The following CHST3 variants were observed in gnomAD, a reference collection of about 807,000 sequenced individuals.
The protein encoded by CHST3 is C6ST-1.
Under a neutral mutation model 35.4 loss-of-function variants are expected in CHST3, and 20 were observed. That is an observed-to-expected ratio of 0.57 (90% CI 0.40 to 0.82). The LOEUF is 0.82. Among genes scored for constraint, CHST3 ranks in the 40% least tolerant of loss-of-function variants. The pLI is 0.00. For missense variants in CHST3, 693 were observed against 670.1 expected (o/e 1.03, Z -0.38); for synonymous variants, 334 against 295.9 (o/e 1.13, Z -1.32).
rs1019786036 is a variant in CHST3, at chr10:72,007,308, C to G, written c.277C>G (p.Arg93Gly). The change falls in exon 3 of 3, where the codon CGT becomes GGT. Residue 93 changes from arginine (R) to glycine (G), a missense_variant. Transcript: ENST00000373115. The part of the protein sequence containing the change: ...LDSAFSQLQS[R>G]LRNLSLQLGV... ...TTCAGCCTTCTCCCAGCTTCAGAGCCGTCTCCGCAACCTCAGCTTGCAGCT... is the reference window on the plus strand; with the variant it reads ...TTCAGCCTTCTCCCAGCTTCAGAGCGGTCTCCGCAACCTCAGCTTGCAGCT... 1 of 1,613,018 alleles carries G rather than the reference C, an allele frequency of 6.2e-7. No individual in the cohort carries two copies. The highest frequency in any genetic ancestry group is 1.7e-4 in the Middle Eastern group (1 of 6,058).
intron 1 of CHST3, among the ~76,000 whole-genome samples, chr10:71,980,112 G>A (rs1839786300): frequency 1.3e-5 from 2 of 152,168 alleles, no homozygotes; most frequent in Non-Finnish European, 2.9e-5. Context: ...TACAGAAAAG[G>A]AGCCAGTCTC....
intron 1 of CHST3, among the ~76,000 whole-genome samples, chr10:71,975,047 G>A (rs988257567): frequency 3.9e-5 from 6 of 152,166 alleles, no homozygotes; most frequent in Non-Finnish European, 5.9e-5. Flanking sequence ...CCTTGAGAAT[G>A]GTGCCTGCTG....
intron 1 of CHST3, among the ~76,000 whole-genome samples, chr10:71,967,606 G>A (rs184406640): frequency 2.0e-4 from 31 of 152,228 alleles, no homozygotes; most frequent in Admixed American, 1.8e-3. Flanking sequence ...TCATGTTTTT[G>A]CTATTGTGAC....
Position 72,005,899 on chromosome 10 carries a change from G to A in CHST3, c.57G>A (p.Lys19=), listed in dbSNP as rs765480356. The change falls in exon 2 of 3, where the codon AAG becomes AAA. Residue 19 remains lysine, a synonymous_variant. Coordinates refer to ENST00000373115, the MANE Select transcript of CHST3 (RefSeq NM_004273.5). ...QDCRDFVHSL[K]MRSKYALFLV... ...GCCGGGACTTTGTGCACAGCCTGAA[G>A]ATGAGAAGCAAATACGCCCTTTTCT... 5 of 1,614,252 alleles carry A rather than the reference G, an allele frequency of 3.1e-6. No individual in the cohort carries two copies. The highest frequency in any genetic ancestry group is 3.4e-6 in the Non-Finnish European group (4 of 1,180,040).
At chr10:71,995,249 A>G (rs1221441182) in intron 1 of CHST3, among the ~76,000 whole-genome samples, 1 of 151,098 alleles carries the variant, frequency 6.6e-6, no homozygotes, top group African/African-American at 2.4e-5. Flanking sequence ...ACCTGATGAA[A>G]CCCCCTCTCT....
At chr10:71,973,959 G>A (rs1261914067) in intron 1 of CHST3, among the ~76,000 whole-genome samples, 3 of 152,174 alleles carry the variant, frequency 2.0e-5, no homozygotes, top group Non-Finnish European at 2.9e-5. Flanking sequence ...CTCTAGAGCC[G>A]GGCTGCCTTC....
chr10:71,999,364 C>G (rs1165315513), intron 1 of CHST3, among the ~76,000 whole-genome samples: 1 of 152,224 alleles, frequency 6.6e-6, no homozygotes, highest in Non-Finnish European at 1.5e-5. Flanking sequence ...CTCCCAGCAC[C>G]CAGCACACAT....
In CHST3 at chr10:72,013,320, TCTG is replaced by T. The variant is rs1426821929; in HGVS notation, c.*4852_*4854del. ...TGTGTATGTGTAGCATGTAGCTCATTCTGCTCAGCCTCTGGCGCCGTTCCACAT... is the reference window on the plus strand; with the variant it reads ...TGTGTATGTGTAGCATGTAGCTCATTCTCAGCCTCTGGCGCCGTTCCACAT... On this transcript the variant is annotated 3_prime_UTR_variant, in exon 3 of 3. Transcript: ENST00000373115. 6.6e-6 allele frequency: 1 copy of T among 152,242 alleles called. No individual in the cohort carries two copies. Among genetic ancestry groups the T allele is most frequent in the Non-Finnish European group, 1.5e-5 (1 of 68,052 alleles). 9.4% of individuals were successfully genotyped at this position (152,242 alleles called of 1,614,324 possible). A position where few individuals can be genotyped will look rare whatever the true frequency, so the allele number is the denominator to read the frequency against.
rs1840115867 is a variant in CHST3 at position 72,012,016 on chromosome 10, T to G, written c.*3545T>G. 6.6e-6 allele frequency: 1 copy of G among 152,178 alleles called. No homozygotes were observed. The highest frequency in any genetic ancestry group is 6.5e-5 in the Admixed American group (1 of 15,282). 9.4% of individuals were successfully genotyped at this position (152,178 alleles called of 1,614,324 possible). A position where few individuals can be genotyped will look rare whatever the true frequency, so the allele number is the denominator to read the frequency against. On this transcript the variant is annotated 3_prime_UTR_variant, in exon 3 of 3. Transcript: ENST00000373115. ...AAAAGCTGAGGAACATAAAGCAAAT[T>G]TAGGCTTTTGTCCTTCTGCAATACA...
rs200563439 is a variant in CHST3, at chr10:72,010,079, C to CT, written c.*1609dup. Reference sequence around the variant, plus strand: ...ATCTCAAAGCCACCAGCGTTCTTGCCTAGTGTCCAGAGCAGCAGAGATTTG... The same window carrying CT: ...ATCTCAAAGCCACCAGCGTTCTTGCCTTAGTGTCCAGAGCAGCAGAGATTTG... On this transcript the variant is annotated 3_prime_UTR_variant, in exon 3 of 3. Coordinates refer to ENST00000373115, the MANE Select transcript of CHST3 (RefSeq NM_004273.5). The CT allele has an allele frequency of 5.1e-3, 771 of 152,532 alleles. 4 individuals carry two copies. The highest frequency in any genetic ancestry group is 8.9e-3 in the Non-Finnish European group (603 of 68,118). The allele number at this position is 152,532 out of a possible 1,614,324, so 9.4% of individuals were successfully genotyped here.
At chr10:71,997,824 T>C (rs976264926) in intron 1 of CHST3, among the ~76,000 whole-genome samples, 2 of 151,920 alleles carry the variant, frequency 1.3e-5, no homozygotes, top group Non-Finnish European at 2.9e-5. Flanking sequence ...TGCGCCACCA[T>C]GCCCAGCTAA....
At chr10:71,974,013 CA>C (rs1839721287) in intron 1 of CHST3, among the ~76,000 whole-genome samples, 1 of 152,234 alleles carries the variant, frequency 6.6e-6, no homozygotes. Context: ...TGGCCGTGGC[CA>C]AGTTGCTTAC....
In CHST3 at chr10:72,008,149, A is replaced by G; in HGVS notation, c.1118A>G (p.Asp373Gly). ...RGRYMLVRYE[D>G]VARGPLQKAR... ...CGCTACATGCTGGTGCGCTACGAGG[A>G]CGTGGCACGCGGGCCGCTGCAGAAG... The change falls in exon 3 of 3, where the codon GAC (aspartate) becomes GGC (glycine). Residue 373 changes from aspartate (D) to glycine (G), a missense_variant. By Grantham distance (94) the Asp-to-Gly change is moderately conservative (BLOSUM62 -1). Transcript: ENST00000373115. 2 of 1,548,474 alleles carry G rather than the reference A, an allele frequency of 1.3e-6. No individual in the cohort carries two copies. The highest frequency in any genetic ancestry group is 1.7e-6 in the Non-Finnish European group (2 of 1,146,436).
rs573527090 is a variant in CHST3, at chr10:72,002,095, C to T, written c.-107-3641C>T. Among the ~76,000 whole-genome samples, 3 of 152,278 alleles carry T rather than the reference C, an allele frequency of 2.0e-5. No individual in the cohort carries two copies. The East Asian group carries it at 5.8e-4, about 29-fold the overall frequency. On this transcript the variant is annotated intron_variant, in intron 1 of 2. Transcript: ENST00000373115. ...GCTCTGGGAAGCTCCAAACCTCTCT[C>T]ACCTGCCTGCCCACCTGCCTGCTAG... is the stretch of plus-strand genomic sequence containing the variant.
chr10:72,012,302 T>C lies in CHST3; in HGVS notation c.*3831T>C, dbSNP rs1377994865. ...CTTGGCCTGGGTGGTAGAGGAGATATCCTGACCCTAAAGTCTTCCAGCCCC... is the reference window on the plus strand; with the variant it reads ...CTTGGCCTGGGTGGTAGAGGAGATACCCTGACCCTAAAGTCTTCCAGCCCC... On this transcript the variant is annotated 3_prime_UTR_variant, in exon 3 of 3. Coordinates refer to ENST00000373115, the MANE Select transcript of CHST3 (RefSeq NM_004273.5). 2.0e-5 allele frequency: 3 copies of C among 152,226 alleles called. No individual in the cohort carries two copies. Among genetic ancestry groups the C allele is most frequent in the African/African-American group, 7.2e-5 (3 of 41,438 alleles). 9.4% of individuals were successfully genotyped at this position (152,226 alleles called of 1,614,324 possible).
intron 1 of CHST3, among the ~76,000 whole-genome samples, chr10:71,996,504 T>A (rs1247394938): frequency 6.6e-6 from 1 of 151,956 alleles, no homozygotes; most frequent in Non-Finnish European, 1.5e-5. Flanking sequence ...ACTTTTTTTT[T>A]TATAAAATAG....
rs746969382 is a variant in CHST3, at chr10:72,007,332, C to CT, written c.302dup (p.Val103ArgfsTer217). The stretch of plus-strand genomic sequence containing the variant: ...CCGTCTCCGCAACCTCAGCTTGCAG[C>CT]TGGGCGTGGAGCCAGCCATGGAGGC... On this transcript the variant is annotated frameshift_variant, in exon 3 of 3. Transcript: ENST00000373115. LOFTEE classifies it high-confidence loss of function. 1.2e-6 allele frequency: 2 copies of CT among 1,610,708 alleles called. No individual in the cohort carries two copies. The highest frequency in any genetic ancestry group is 2.2e-5 in the South Asian group (2 of 90,508).
At chr10:72,004,843 GT>G (rs1194611279) in intron 1 of CHST3, among the ~76,000 whole-genome samples, 1 of 152,166 alleles carries the variant, frequency 6.6e-6, no homozygotes, top group African/African-American at 2.4e-5. Context: ...CAGATGAGCA[GT>G]GGGGGCCAGG....
At chr10:71,999,204 A>G (rs1398290499) in intron 1 of CHST3, among the ~76,000 whole-genome samples, 1 of 152,066 alleles carries the variant, frequency 6.6e-6, no homozygotes, top group Non-Finnish European at 1.5e-5. Context: ...AAAAATAAAA[A>G]CCAGGCAGGC....
Sources: allele counts gnomAD v4.1 joint callset (sites outside exome capture counted in the v4.1 genomes callset), GRCh38; gene constraint gnomAD v4.1.1; transcripts MANE v1.5; gene names NCBI Gene and HGNC (gene_info 2026-07-23, HGNC 2026-07-21).